The following RBFOX1 variants were observed in gnomAD, a reference collection of about 807,000 sequenced individuals.
RBFOX1 encodes RNA binding protein fox-1 homolog 1.
RBFOX1 carries 8 observed loss-of-function variants against 57.7 expected under a neutral mutation model. That is an observed-to-expected ratio of 0.14 (90% CI 0.08 to 0.25). RBFOX1 has a LOEUF of 0.25. Ranked by LOEUF, RBFOX1 falls within the 10% of genes least tolerant of loss-of-function variation. The pLI is 1.00. For synonymous variants in RBFOX1, 326 were observed against 222.4 expected (o/e 1.47, Z -4.15); for missense variants, 611 against 548.5 (o/e 1.11, Z -1.14).
At chr16:7,447,680 C>T (rs1014319079) in intron 4 of RBFOX1, among the ~76,000 whole-genome samples, 2 of 152,264 alleles carry the variant, frequency 1.3e-5, no homozygotes, top group East Asian at 3.9e-4. Flanking sequence ...TGTCTATGAA[C>T]CTCTGCCTCT....
In RBFOX1 at chr16:7,027,912, AAAG is replaced by A. The variant is rs894816567; in HGVS notation, c.-15-24141_-15-24139del. 7.8e-4 allele frequency among the ~76,000 whole-genome samples: 119 copies of A among 151,876 alleles called. 1 individual carries two copies. In the Middle Eastern group the frequency reaches 0.01, roughly 13 times the overall value. ...GAAGGGAGAAGAGAAGGGAGGAAGA[AAAG>A]AAGGGAAAAGAGAAGGAAGGAGGGA... On this transcript the variant is annotated intron_variant, in intron 3 of 15. Coordinates refer to ENST00000550418, the MANE Select transcript of RBFOX1 (RefSeq NM_018723.4).
At chr16:6,559,111 A>ATG (rs34909448) in intron 2 of RBFOX1, among the ~76,000 whole-genome samples, 2,064 of 149,906 alleles carry the variant, frequency 0.014, 62 homozygotes, top group East Asian at 0.1. Context: ...ATATATACAT[A>ATG]TGTGTGTGTG....
intron 2 of RBFOX1, among the ~76,000 whole-genome samples, chr16:5,498,176 C>G (rs1232886907): frequency 6.6e-6 from 1 of 152,042 alleles, no homozygotes; most frequent in Non-Finnish European, 1.5e-5. Context: ...AGTTTTTGCT[C>G]TTGTTGCCCA....
intron 2 of RBFOX1, among the ~76,000 whole-genome samples, chr16:6,608,237 G>T (rs968058906): frequency 6.6e-6 from 1 of 152,098 alleles, no homozygotes; most frequent in Non-Finnish European, 1.5e-5. Flanking sequence ...GCATTGGTTT[G>T]TGTTATAATC....
chr16:6,807,364 G>A (rs2087109587), intron 3 of RBFOX1, among the ~76,000 whole-genome samples: 2 of 152,130 alleles, frequency 1.3e-5, no homozygotes, highest in Admixed American at 1.3e-4. Context: ...AGACAAGGAT[G>A]AGTGAGTCCA....
At chr16:5,432,559 G>GTTTTTTTTTTTTTTTTTGTTTTTTTCT (rs35344614) in intron 1 of RBFOX1, among the ~76,000 whole-genome samples, 1 of 94,222 alleles carries the variant, frequency 1.1e-5, no homozygotes, top group Non-Finnish European at 2.0e-5. Flanking sequence ...TTGTTTGTTT[G>GTTTTTTTTTTTTTTTTTGTTTTTTTCT]TTTTTTTTTT....
chr16:5,595,429 T>C (rs377646569), intron 2 of RBFOX1, among the ~76,000 whole-genome samples: 1 of 152,314 alleles, frequency 6.6e-6, no homozygotes, highest in East Asian at 1.9e-4. Context: ...GGGAGACTAC[T>C]AGACTTCTAA....
chr16:6,959,447 T>G (rs994765123), intron 3 of RBFOX1, among the ~76,000 whole-genome samples: 1 of 152,166 alleles, frequency 6.6e-6, no homozygotes, highest in African/African-American at 2.4e-5. Flanking sequence ...AAGGCAGAAG[T>G]TGGAATAAAA....
chr16:7,432,865 C>T (rs2098693067), intron 4 of RBFOX1, among the ~76,000 whole-genome samples: 1 of 152,204 alleles, frequency 6.6e-6, no homozygotes. Flanking sequence ...TCATGGTCAT[C>T]TCTGTTTTCA....
intron 1 of RBFOX1, among the ~76,000 whole-genome samples, chr16:6,186,773 C>G (rs954704428): frequency 6.6e-6 from 1 of 152,098 alleles, no homozygotes; most frequent in South Asian, 2.1e-4. Flanking sequence ...AACATTGGTG[C>G]CAATGGGGAG....
chr16:7,177,023 G>A (rs2081808796), intron 4 of RBFOX1, among the ~76,000 whole-genome samples: 1 of 152,102 alleles, frequency 6.6e-6, no homozygotes, highest in Non-Finnish European at 1.5e-5. Flanking sequence ...GTCTCATTGA[G>A]CACAAAATTC....
chr16:6,458,215 C>A (rs2094824560), intron 2 of RBFOX1, among the ~76,000 whole-genome samples: 1 of 152,158 alleles, frequency 6.6e-6, no homozygotes, highest in African/African-American at 2.4e-5. Context: ...GGAAGTTCGT[C>A]TGCAGCATGA....
intron 2 of RBFOX1, among the ~76,000 whole-genome samples, chr16:6,578,140 G>A (rs1000948961): frequency 6.6e-6 from 1 of 152,266 alleles, no homozygotes; most frequent in Non-Finnish European, 1.5e-5. Flanking sequence ...AAAACGACCA[G>A]TTACCTGCAT....
intron 3 of RBFOX1, among the ~76,000 whole-genome samples, chr16:6,943,353 T>G (rs903125769): frequency 2.6e-5 from 4 of 152,174 alleles, no homozygotes; most frequent in African/African-American, 9.6e-5. Context: ...ATATTTGAGT[T>G]CTTGTGGATG....
At chr16:5,274,513 G>A (rs1976971) in intron 1 of RBFOX1, among the ~76,000 whole-genome samples, 29,123 of 152,062 alleles carry the variant, frequency 0.19, 3,198 homozygotes, top group African/African-American at 0.3. Flanking sequence ...TGCGTGATAG[G>A]GCGAGACTGG....
intron 3 of RBFOX1, among the ~76,000 whole-genome samples, chr16:6,754,253 C>G (rs76911296): frequency 0.017 from 2,577 of 152,200 alleles, 66 homozygotes; most frequent in African/African-American, 0.058. Context: ...CTGCTTTATT[C>G]AGATCAATTT....
chr16:7,453,128 CAAA>C (rs35613776), intron 4 of RBFOX1, among the ~76,000 whole-genome samples: 26 of 113,232 alleles, frequency 2.3e-4, no homozygotes, highest in Non-Finnish European at 3.6e-5. Flanking sequence ...GGCTTTGTCT[CAAA>C]AAAAAAAAAA....
chr16:7,563,622 C>G (rs1242336552), intron 5 of RBFOX1, among the ~76,000 whole-genome samples: 1 of 152,134 alleles, frequency 6.6e-6, no homozygotes, highest in East Asian at 1.9e-4. Context: ...CACACACCAC[C>G]ACACTTGGCT....
At chr16:7,067,840 C>G (rs1276492196) in intron 4 of RBFOX1, among the ~76,000 whole-genome samples, 1 of 151,864 alleles carries the variant, frequency 6.6e-6, no homozygotes, top group Admixed American at 6.6e-5. Flanking sequence ...CCAATTTCAT[C>G]CATGTCCCTA....
Sources: allele counts gnomAD v4.1 joint callset (sites outside exome capture counted in the v4.1 genomes callset), GRCh38; gene constraint gnomAD v4.1.1; transcripts MANE v1.5; gene names NCBI Gene and HGNC (gene_info 2026-07-23, HGNC 2026-07-21).